Variants in TAFA2 observed in about 807,000 individuals in gnomAD.
TAFA2 encodes the protein chemokine-like protein TAFA-2.
In TAFA2, 7 loss-of-function variants were observed where a neutral mutation model predicts 18.8. The ratio of observed to expected loss-of-function variants is 0.37; its 90% CI spans 0.21 to 0.70. The LOEUF is 0.70. Among genes scored for constraint, TAFA2 ranks in the 30% least tolerant of loss-of-function variants. The pLI, the probability that TAFA2 is intolerant of heterozygous loss-of-function variation, is 0.53. For missense variants in TAFA2, 122 were observed against 158.1 expected, an observed-to-expected ratio of 0.77 and a Z score of 1.23; for synonymous variants, 60 against 54.2, an observed-to-expected ratio of 1.11 and a Z score of -0.47.
At chr12:62,010,088 T>C (rs1377726070) in intron 1 of TAFA2, among the ~76,000 whole-genome samples, 2 of 152,176 alleles carry the variant, frequency 1.3e-5, no homozygotes, top group Non-Finnish European at 2.9e-5. Context: ...AGGTTTACTT[T>C]TCCAACATTC....
chr12:61,881,934 G>C (rs1463315578), intron 1 of TAFA2, among the ~76,000 whole-genome samples: 2 of 151,338 alleles, frequency 1.3e-5, no homozygotes, highest in African/African-American at 4.9e-5. Context: ...AAAAAAGCAA[G>C]AAGGGAACAT....
chr12:61,909,449 C>T (rs1003257084), intron 1 of TAFA2, among the ~76,000 whole-genome samples: 3 of 152,136 alleles, frequency 2.0e-5, no homozygotes, highest in African/African-American at 4.8e-5. Context: ...AATCCTGATG[C>T]TATCAGCCAG....
chr12:61,710,662 G>T (rs1385671280), intron 4 of TAFA2, among the ~76,000 whole-genome samples: 1 of 151,952 alleles, frequency 6.6e-6, no homozygotes, highest in African/African-American at 2.4e-5. Flanking sequence ...ATATAACTGT[G>T]ACTAGAATTA....
At chr12:62,070,392 C>T (rs348640) in intron 1 of TAFA2, 100,503 of 152,058 alleles carry the variant, frequency 0.66, 33,410 homozygotes, top group Admixed American at 0.69. Flanking sequence ...GCAATAACCA[C>T]AAAAGCAATT....
At position 61,973,370 on chromosome 12, in the gene TAFA2, G is replaced by T. The variant is rs1200428156; in HGVS notation, c.-1-105944C>A. 3.5e-5 allele frequency among the ~76,000 whole-genome samples: 5 copies of T among 141,756 alleles called. No homozygotes were observed. The South Asian group carries it at 9.2e-4, about 26-fold the overall frequency. The allele number at this position is 141,756 out of a possible 152,430, so 93.0% of individuals were successfully genotyped here. A position where few individuals can be genotyped will look rare whatever the true frequency, so the allele number is the denominator to read the frequency against. On this transcript the variant is annotated intron_variant, in intron 1 of 4. Coordinates refer to ENST00000416284, the MANE Select transcript of TAFA2 (RefSeq NM_178539.5). ...CATGTTGCAAACATATGTAAGTTCTGATTTCCTTGGAAAATATTATTTAGA... is the reference window on the plus strand; with the variant it reads ...CATGTTGCAAACATATGTAAGTTCTTATTTCCTTGGAAAATATTATTTAGA...
intron 2 of TAFA2, among the ~76,000 whole-genome samples, chr12:61,777,279 T>C (rs1448910579): frequency 2.0e-5 from 3 of 151,916 alleles, no homozygotes. Context: ...TAAGCTTCAG[T>C]TTCCTCATCT....
At chr12:61,743,450 G>A (rs534187587) in intron 4 of TAFA2, among the ~76,000 whole-genome samples, 4 of 151,972 alleles carry the variant, frequency 2.6e-5, no homozygotes, top group South Asian at 4.2e-4. Context: ...ATAATTTAAC[G>A]CATATTGCTC....
At chr12:61,884,774 C>G (rs1395548761) in intron 1 of TAFA2, among the ~76,000 whole-genome samples, 1 of 151,780 alleles carries the variant, frequency 6.6e-6, no homozygotes, top group Non-Finnish European at 1.5e-5. Context: ...TATGTTTGTA[C>G]TATGATGAGG....
chr12:62,243,240 C>T (rs2062870864), intron 1 of TAFA2, among the ~76,000 whole-genome samples: 1 of 152,156 alleles, frequency 6.6e-6, no homozygotes, highest in African/African-American at 2.4e-5. Flanking sequence ...GGCTGCTCCA[C>T]TTACTAACCT....
intron 4 of TAFA2, among the ~76,000 whole-genome samples, chr12:61,711,771 T>G (rs1023249106): frequency 6.6e-6 from 1 of 151,994 alleles, no homozygotes; most frequent in Non-Finnish European, 1.5e-5. Flanking sequence ...CCTGCATATT[T>G]GAAGTGTTTT....
intron 2 of TAFA2, among the ~76,000 whole-genome samples, chr12:61,824,753 T>G (rs977483206): frequency 6.6e-6 from 1 of 152,176 alleles, no homozygotes; most frequent in Admixed American, 6.6e-5. Flanking sequence ...TACTCCTGTT[T>G]TATAAAAACT....
chr12:61,834,337 G>C (rs1448681592), intron 2 of TAFA2, among the ~76,000 whole-genome samples: 1 of 152,054 alleles, frequency 6.6e-6, no homozygotes, highest in African/African-American at 2.4e-5. Context: ...AATAGCATCA[G>C]GCTGTCTGCT....
At position 61,924,204 on chromosome 12, in the gene TAFA2, A is replaced by G. The variant is rs184909068; in HGVS notation, c.-1-56778T>C. Among the ~76,000 whole-genome samples the G allele has an allele frequency of 3.8e-3, 583 of 152,252 alleles. 5 individuals carry two copies. The highest frequency in any genetic ancestry group is 0.013 in the African/African-American group (549 of 41,560). ...AGGAGAACTTCCCCAACCTAGCAAG[A>G]CAGGCCAACATTCAAATTCAGGAAA... On this transcript the variant is annotated intron_variant, in intron 1 of 4. Coordinates refer to ENST00000416284, the MANE Select transcript of TAFA2 (RefSeq NM_178539.5).
At chr12:62,222,531 G>C (rs890116372) in intron 1 of TAFA2, among the ~76,000 whole-genome samples, 1 of 151,784 alleles carries the variant, frequency 6.6e-6, no homozygotes, top group Admixed American at 6.6e-5. Context: ...ATTTTGAGAC[G>C]GAGTCTTGCT....
At chr12:62,080,290 C>A (rs1026513029) in intron 1 of TAFA2, among the ~76,000 whole-genome samples, 2 of 152,216 alleles carry the variant, frequency 1.3e-5, no homozygotes, top group African/African-American at 4.8e-5. Context: ...TAAAAGCTTA[C>A]CTGATTCGGT....
chr12:62,102,643 T>A (rs17657299), intron 1 of TAFA2, among the ~76,000 whole-genome samples: 7,565 of 152,260 alleles, frequency 0.05, 261 homozygotes, highest in South Asian at 0.13. Flanking sequence ...TGTTCTAAAC[T>A]ACATGGCTTT....
chr12:61,866,762 AC>A (rs1452469639), intron 2 of TAFA2, among the ~76,000 whole-genome samples: 1 of 152,192 alleles, frequency 6.6e-6, no homozygotes, highest in Non-Finnish European at 1.5e-5. Flanking sequence ...ATCATGACCC[AC>A]AAAAAACATT....
intron 1 of TAFA2, among the ~76,000 whole-genome samples, chr12:61,928,720 GT>G (rs1182587313): frequency 6.6e-6 from 1 of 152,138 alleles, no homozygotes; most frequent in Non-Finnish European, 1.5e-5. Context: ...GCACATGTAT[GT>G]TTATTACAGC....
chr12:61,837,774 C>T (rs114483633), intron 2 of TAFA2, among the ~76,000 whole-genome samples: 3,441 of 151,852 alleles, frequency 0.023, 142 homozygotes, highest in African/African-American at 0.079. Flanking sequence ...GAAGAGATGG[C>T]GAACAAATTA....
Sources: allele counts gnomAD v4.1 joint callset (sites outside exome capture counted in the v4.1 genomes callset), GRCh38; gene constraint gnomAD v4.1.1; transcripts MANE v1.5; gene names NCBI Gene and HGNC (gene_info 2026-07-23, HGNC 2026-07-21).